The following CUEDC1 variants were observed in gnomAD, a reference collection of about 807,000 sequenced individuals.
The protein encoded by CUEDC1 is CUE domain-containing protein 1.
Under a neutral mutation model 43.7 loss-of-function variants are expected in CUEDC1, and 30 were observed. The observed-to-expected ratio is 0.69, with a 90% CI of 0.51 to 0.93. The LOEUF (loss-of-function observed/expected upper bound fraction) is 0.93. CUEDC1 is among the 40% of genes least tolerant of loss of function. The pLI, the probability that CUEDC1 is intolerant of heterozygous loss-of-function variation, is 0.00. For synonymous variants in CUEDC1, 223 were observed against 223.6 expected (o/e 1.00, Z 0.02); for missense variants, 486 against 549.0 (o/e 0.89, Z 1.15).
At chr17:57,896,487 G>GGGGGGGGGGGGGT (rs375270781) in intron 1 of CUEDC1, among the ~76,000 whole-genome samples, 1 of 130,282 alleles carries the variant, frequency 7.7e-6, no homozygotes, top group Admixed American at 7.3e-5. Flanking sequence ...TGCATTATGG[G>GGGGGGGGGGGGGT]GTGTGTGTGT....
At chr17:57,868,513 A>T in intron 7 of CUEDC1, 1 of 506,270 alleles carries the variant, frequency 2.0e-6, no homozygotes, top group South Asian at 2.2e-5. Flanking sequence ...GCGGCTCAAG[A>T]TCCAAGTATT....
chr17:57,901,895 C>T (rs1349857284), intron 1 of CUEDC1, among the ~76,000 whole-genome samples: 1 of 152,186 alleles, frequency 6.6e-6, no homozygotes. Context: ...ATGCACTGGC[C>T]GGGCATGGTG....
chr17:57,926,067 A>C (rs1022303220), intron 1 of CUEDC1, among the ~76,000 whole-genome samples: 2 of 152,230 alleles, frequency 1.3e-5, no homozygotes, highest in African/African-American at 4.8e-5. Flanking sequence ...GAACATGGGG[A>C]TAACTAGAGA....
intron 9 of CUEDC1, 130 bp from the exon 10 acceptor site, chr17:57,866,674 C>A: frequency 1.2e-6 from 1 of 830,346 alleles, no homozygotes; most frequent in East Asian, 2.6e-5. Flanking sequence ...GCAGATCCCC[C>A]CAGGTAGACG....
intron 1 of CUEDC1, among the ~76,000 whole-genome samples, chr17:57,898,885 G>T (rs2074440993): frequency 6.6e-6 from 1 of 152,156 alleles, no homozygotes; most frequent in Non-Finnish European, 1.5e-5. Flanking sequence ...GCTTCCAAGG[G>T]TAGGAGAAGT....
intron 1 of CUEDC1, among the ~76,000 whole-genome samples, chr17:57,926,651 A>G (rs893991608): frequency 3.9e-4 from 60 of 152,220 alleles, no homozygotes; most frequent in Non-Finnish European, 4.1e-4. Flanking sequence ...AAAATAAAAA[A>G]TAAATTTAAA....
At chr17:57,875,796 G>C (rs1288460363) in intron 3 of CUEDC1, among the ~76,000 whole-genome samples, 1 of 152,084 alleles carries the variant, frequency 6.6e-6, no homozygotes, top group African/African-American at 2.4e-5. Context: ...GGACCCCCAG[G>C]TTTACCCATG....
intron 1 of CUEDC1, among the ~76,000 whole-genome samples, chr17:57,906,180 G>A (rs2074528403): frequency 6.6e-6 from 1 of 152,134 alleles, no homozygotes; most frequent in Non-Finnish European, 1.5e-5. Context: ...ATTCACAATA[G>A]TCCACAGCTG....
At chr17:57,907,271 A>G (rs566497922) in intron 1 of CUEDC1, among the ~76,000 whole-genome samples, 1 of 152,318 alleles carries the variant, frequency 6.6e-6, no homozygotes, top group South Asian at 2.1e-4. Flanking sequence ...AGTATTTTAA[A>G]AGGCTAGTGT....
intron 1 of CUEDC1, among the ~76,000 whole-genome samples, chr17:57,941,087 A>T (rs1205430286): frequency 6.6e-6 from 1 of 152,216 alleles, no homozygotes; most frequent in Non-Finnish European, 1.5e-5. Flanking sequence ...CTCTGGGCGC[A>T]GACACATGGG....
rs369598417 is a variant in CUEDC1 at position 57,919,676 on chromosome 17, C to T, written c.-315-33797G>A. ...GCAGCTGCAATGTATACAACAAGCA[C>T]TAGACCTGAAACCTGGGTGTAACTT... On this transcript the variant is annotated intron_variant, in intron 1 of 10. Transcript: ENST00000577830. 6.6e-5 allele frequency among the ~76,000 whole-genome samples: 10 copies of T among 152,292 alleles called. No individual in the cohort carries two copies. The East Asian group carries it at 1.4e-3, about 21-fold the overall frequency.
intron 1 of CUEDC1, among the ~76,000 whole-genome samples, chr17:57,890,985 T>C (rs117161587): frequency 1.8e-4 from 28 of 152,302 alleles, no homozygotes; most frequent in Non-Finnish European, 3.5e-4. Flanking sequence ...ACCTGGCGTA[T>C]AATAAGCACC....
intron 1 of CUEDC1, among the ~76,000 whole-genome samples, chr17:57,891,045 G>C (rs932723805): frequency 8.5e-5 from 13 of 152,126 alleles, no homozygotes; most frequent in African/African-American, 3.1e-4. Flanking sequence ...ACCTTTTCCC[G>C]GGCTAGACTC....
intron 10 of CUEDC1, among the ~76,000 whole-genome samples, chr17:57,864,533 G>GA (rs1207579163): frequency 2.0e-5 from 3 of 152,134 alleles, no homozygotes; most frequent in African/African-American, 4.8e-5. Context: ...AGAGATCAGG[G>GA]GAGTGCGTGT....
At chr17:57,932,665 C>G (rs2074819737) in intron 1 of CUEDC1, among the ~76,000 whole-genome samples, 2 of 150,146 alleles carry the variant, frequency 1.3e-5, no homozygotes, top group African/African-American at 4.9e-5. Flanking sequence ...AGTTCCAGAT[C>G]AGCCTGGCCA....
intron 7 of CUEDC1, 40 bp downstream of exon 7, chr17:57,869,080 CAG>C (rs747616651): frequency 1.2e-6 from 2 of 1,606,782 alleles, no homozygotes; most frequent in East Asian, 4.5e-5. Context: ...GGGCCTGTCT[CAG>C]AAAAGCTGGG....
chr17:57,903,888 A>G (rs2074500012), intron 1 of CUEDC1, among the ~76,000 whole-genome samples: 1 of 151,338 alleles, frequency 6.6e-6, no homozygotes, highest in African/African-American at 2.4e-5. Flanking sequence ...GTGAGCTATG[A>G]TGGCTCCACT....
intron 5 of CUEDC1, among the ~76,000 whole-genome samples, chr17:57,871,765 A>T (rs1000368935): frequency 6.6e-6 from 1 of 152,190 alleles, no homozygotes; most frequent in African/African-American, 2.4e-5. Context: ...CTCTACTAAA[A>T]ATACAAAAAT....
At chr17:57,914,526 C>T (rs1389363398) in intron 1 of CUEDC1, among the ~76,000 whole-genome samples, 2 of 152,116 alleles carry the variant, frequency 1.3e-5, no homozygotes, top group African/African-American at 2.4e-5. Flanking sequence ...CAATGAGGTA[C>T]CAGGGATCCT....
Sources: gnomAD v4.1 joint callset for allele counts (sites outside exome capture counted in the v4.1 genomes callset) on GRCh38, gnomAD v4.1.1 for gene constraint, MANE v1.5 for transcripts, NCBI Gene and HGNC (gene_info 2026-07-23, HGNC 2026-07-21) for gene names.